The following CTNNBL1 variants were observed in gnomAD, a reference collection of about 807,000 sequenced individuals.
CTNNBL1 encodes the protein beta-catenin-like protein 1.
In CTNNBL1, 31 loss-of-function variants were observed where a neutral mutation model predicts 72.7. The ratio of observed to expected loss-of-function variants is 0.43; its 90% CI spans 0.32 to 0.58. CTNNBL1 has a LOEUF of 0.58. Among genes scored for constraint, CTNNBL1 ranks in the 20% least tolerant of loss-of-function variants. The pLI is 0.08. For missense variants in CTNNBL1, 534 were observed against 725.1 expected (o/e 0.74, Z 3.03); for synonymous variants, 240 against 267.3 (o/e 0.90, Z 1.00).
At chr20:37,732,642 G>A (rs1371642513) in intron 1 of CTNNBL1, among the ~76,000 whole-genome samples, 1 of 152,220 alleles carries the variant, frequency 6.6e-6, no homozygotes, top group Non-Finnish European at 1.5e-5. Flanking sequence ...ATGCTTTTGA[G>A]TCAGAGAATT....
At chr20:37,790,870 T>C (rs182246864) in intron 10 of CTNNBL1, among the ~76,000 whole-genome samples, 1 of 152,230 alleles carries the variant, frequency 6.6e-6, no homozygotes, top group Admixed American at 6.5e-5. Context: ...AGTGAACATA[T>C]TTGTCACACC....
intron 15 of CTNNBL1, among the ~76,000 whole-genome samples, chr20:37,868,026 G>C (rs909769): frequency 0.75 from 113,724 of 151,702 alleles, 42,766 homozygotes; most frequent in East Asian, 0.85. Context: ...GGCCATCCAC[G>C]TGCCCCCTCA....
intron 2 of CTNNBL1, among the ~76,000 whole-genome samples, chr20:37,735,183 C>G (rs1478444616): frequency 6.6e-6 from 1 of 152,124 alleles, no homozygotes; most frequent in African/African-American, 2.4e-5. Flanking sequence ...TGAGAGATAA[C>G]AGGTAACAAT....
chr20:37,837,102 C>T (rs2072260834), intron 11 of CTNNBL1, among the ~76,000 whole-genome samples: 1 of 152,188 alleles, frequency 6.6e-6, no homozygotes. Flanking sequence ...TTCTGTCCCT[C>T]ATTCTTTCTG....
intron 1 of CTNNBL1, among the ~76,000 whole-genome samples, chr20:37,696,953 G>A (rs1055198799): frequency 4.6e-5 from 7 of 151,730 alleles, no homozygotes; most frequent in Non-Finnish European, 8.8e-5. Flanking sequence ...AGGCTGAGGC[G>A]GGTGGGTCAC....
chr20:37,819,872 C>CA (rs2072090226), intron 11 of CTNNBL1, among the ~76,000 whole-genome samples: 4 of 121,232 alleles, frequency 3.3e-5, no homozygotes. Flanking sequence ...CTTTTAATAT[C>CA]TTTTTTTTTT....
At chr20:37,746,423 G>A in intron 3 of CTNNBL1, 45 bp from the exon 4 acceptor site, 1 of 1,595,920 alleles carries the variant, frequency 6.3e-7, no homozygotes, top group Non-Finnish European at 8.6e-7. Flanking sequence ...CCTCATTGCT[G>A]ATAGTGCCCC....
chr20:37,719,551 A>G (rs1188269161), intron 1 of CTNNBL1, among the ~76,000 whole-genome samples: 1 of 152,174 alleles, frequency 6.6e-6, no homozygotes, highest in Non-Finnish European at 1.5e-5. Flanking sequence ...CTTGGCATGG[A>G]GCTAGGTAGC....
At chr20:37,743,516 C>A (rs1435892730) in intron 3 of CTNNBL1, among the ~76,000 whole-genome samples, 1 of 152,044 alleles carries the variant, frequency 6.6e-6, no homozygotes, top group Non-Finnish European at 1.5e-5. Context: ...TAAGTGAGAA[C>A]AGGCAAGGAA....
chr20:37,731,917 G>A (rs977813335), intron 1 of CTNNBL1, among the ~76,000 whole-genome samples: 2 of 152,044 alleles, frequency 1.3e-5, no homozygotes, highest in Non-Finnish European at 2.9e-5. Context: ...CAATTCTGTT[G>A]GTTACATACC....
chr20:37,720,733 C>G (rs1414299582), intron 1 of CTNNBL1, among the ~76,000 whole-genome samples: 2 of 152,014 alleles, frequency 1.3e-5, no homozygotes, highest in African/African-American at 2.4e-5. Flanking sequence ...TATATATATG[C>G]TAATATATAT....
chr20:37,828,468 T>G (rs1010331285), intron 11 of CTNNBL1, among the ~76,000 whole-genome samples: 3 of 152,228 alleles, frequency 2.0e-5, no homozygotes, highest in African/African-American at 7.2e-5. Context: ...TGGAACTAAC[T>G]AGGTCACCTC....
intron 1 of CTNNBL1, among the ~76,000 whole-genome samples, chr20:37,704,135 A>G (rs1470798517): frequency 6.6e-6 from 1 of 152,132 alleles, no homozygotes; most frequent in Non-Finnish European, 1.5e-5. Context: ...CCTCTCTCTC[A>G]GAGTAAAGAA....
intron 15 of CTNNBL1, among the ~76,000 whole-genome samples, chr20:37,864,631 G>A (rs1218960926): frequency 1.3e-5 from 2 of 152,178 alleles, no homozygotes; most frequent in Non-Finnish European, 2.9e-5. Context: ...TCTGGCCTGA[G>A]GACTGTGGGC....
intron 10 of CTNNBL1, among the ~76,000 whole-genome samples, chr20:37,787,218 T>C (rs952109705): frequency 6.6e-6 from 1 of 152,026 alleles, no homozygotes; most frequent in Non-Finnish European, 1.5e-5. Context: ...CACTGCAGCG[T>C]TGAAGTCTTG....
At chr20:37,785,106 G>C (rs1045425686) in intron 10 of CTNNBL1, among the ~76,000 whole-genome samples, 1 of 152,092 alleles carries the variant, frequency 6.6e-6, no homozygotes, top group African/African-American at 2.4e-5. Context: ...TGGCCTGTAA[G>C]GTTTCCACTG....
At chr20:37,716,431 G>T (rs1013812620) in intron 1 of CTNNBL1, among the ~76,000 whole-genome samples, 5 of 151,832 alleles carry the variant, frequency 3.3e-5, no homozygotes, top group East Asian at 1.9e-4. Flanking sequence ...AGAGTTCTCT[G>T]TTTTTTTTCC....
At chr20:37,834,950 T>A (rs548920161) in intron 11 of CTNNBL1, among the ~76,000 whole-genome samples, 6 of 152,354 alleles carry the variant, frequency 3.9e-5, no homozygotes, top group Admixed American at 2.0e-4. Flanking sequence ...AACAATATGG[T>A]GGCACTAAAT....
intron 11 of CTNNBL1, among the ~76,000 whole-genome samples, chr20:37,807,676 G>T (rs1023908775): frequency 2.0e-5 from 3 of 152,136 alleles, no homozygotes; most frequent in African/African-American, 7.2e-5. Context: ...GTGACTTGGG[G>T]TGGGGAAGGA....
Sources: allele counts gnomAD v4.1 joint callset (sites outside exome capture counted in the v4.1 genomes callset), GRCh38; gene constraint gnomAD v4.1.1; transcripts MANE v1.5; gene names NCBI Gene and HGNC (gene_info 2026-07-23, HGNC 2026-07-21).